BCAS3: variants seen among roughly 807,000 people sequenced by gnomAD.
BCAS3 encodes the protein BCAS3 microtubule associated cell migration factor, also known as BCAS4/BCAS3 fusion.
BCAS3 carries 53 observed loss-of-function variants against 116.1 expected under a neutral mutation model. The observed-to-expected ratio is 0.46, with a 90% CI of 0.37 to 0.57. The LOEUF is 0.57. Among genes scored for constraint, BCAS3 ranks in the 20% least tolerant of loss-of-function variants. BCAS3 has a pLI of 0.00. For missense variants in BCAS3, 917 were observed against 1,165.4 expected (o/e 0.79, Z 3.10); for synonymous variants, 391 against 408.2 (o/e 0.96, Z 0.51).
At chr17:61,030,652 C>T (rs1457193302) in intron 16 of BCAS3, among the ~76,000 whole-genome samples, 3 of 151,992 alleles carry the variant, frequency 2.0e-5, no homozygotes, top group African/African-American at 7.2e-5. Flanking sequence ...TTTAATTTAG[C>T]ATCTTATTTG....
Position 61,348,308 on chromosome 17 carries a change from T to A in BCAS3, c.2426-20019T>A, listed in dbSNP as rs1334310076. Among the ~76,000 whole-genome samples, 1 of 152,086 alleles carries A rather than the reference T, an allele frequency of 6.6e-6. No homozygotes were observed. The highest frequency in any genetic ancestry group is 2.4e-5 in the African/African-American group (1 of 41,428). On this transcript the variant is annotated intron_variant, in intron 22 of 23. Coordinates refer to ENST00000407086, the MANE Select transcript of BCAS3 (RefSeq NM_017679.5). This position sits in a 1 kb window ranked among gnomAD's most constrained non-coding sequence, Gnocchi z 4.5. Reference sequence around the variant, plus strand: ...CTGGAGAAGTTAGGTCATGAATTTGTTTGGGAGATGTTGAGTTGGAGGTGC... The same window carrying A: ...CTGGAGAAGTTAGGTCATGAATTTGATTGGGAGATGTTGAGTTGGAGGTGC...
At chr17:60,988,545 G>A (rs2063328563) in intron 14 of BCAS3, among the ~76,000 whole-genome samples, 1 of 151,632 alleles carries the variant, frequency 6.6e-6, no homozygotes, top group Admixed American at 6.6e-5. Flanking sequence ...TCTTTGCTGG[G>A]AGACTTATTA....
At position 61,087,141 on chromosome 17, in the gene BCAS3, C is replaced by T. The variant is rs1057114486; in HGVS notation, c.2425+2577C>T. 10 of 985,120 alleles carry T rather than the reference C, an allele frequency of 1.0e-5. No individual in the cohort carries two copies. Among genetic ancestry groups the T allele is most frequent in the East Asian group, 1.1e-4 (1 of 8,826 alleles). The allele number at this position is 985,120 out of a possible 1,614,324, so 61.0% of individuals were successfully genotyped here. A position where few individuals can be genotyped will look rare whatever the true frequency, so the allele number is the denominator to read the frequency against. On this transcript the variant is annotated intron_variant, in intron 22 of 23. Coordinates refer to ENST00000407086, the MANE Select transcript of BCAS3 (RefSeq NM_017679.5). The surrounding 1 kb of genome is among the most constrained non-coding windows in gnomAD (Gnocchi z 4.6). ...TAAATTTTTATAATTGCTCTTGAAC[C>T]GGGAAGTGCACCTCTGATTATGATC...
At position 61,131,775 on chromosome 17, in the gene BCAS3, G is replaced by A. The variant is rs1402815205; in HGVS notation, c.2425+47211G>A. Among the ~76,000 whole-genome samples the A allele has an allele frequency of 6.6e-6, 1 of 152,202 alleles. No individual in the cohort carries two copies. Among genetic ancestry groups the A allele is most frequent in the East Asian group, 1.9e-4 (1 of 5,192 alleles). On this transcript the variant is annotated intron_variant, in intron 22 of 23. Transcript: ENST00000407086. This position sits in a 1 kb window ranked among gnomAD's most constrained non-coding sequence, Gnocchi z 4.4. ...GCTGAGCAGAAACACTCATGAAGGA[G>A]CCCTGATTAAAAAGAGTGGTAATGA...
intron 22 of BCAS3, among the ~76,000 whole-genome samples, chr17:61,275,617 T>G (rs146806673): frequency 2.6e-3 from 394 of 152,272 alleles, no homozygotes; most frequent in African/African-American, 9.1e-3. Context: ...TTAGCCTTGA[T>G]AAAATGGTTG....
At chr17:61,334,140 C>A (rs985992808) in intron 22 of BCAS3, among the ~76,000 whole-genome samples, 2 of 152,180 alleles carry the variant, frequency 1.3e-5, no homozygotes, top group Non-Finnish European at 2.9e-5. Context: ...GATCATGATA[C>A]AGTAGAAGTA....
At chr17:61,089,587 T>C (rs1478434117) in intron 22 of BCAS3, among the ~76,000 whole-genome samples, 3 of 129,990 alleles carry the variant, frequency 2.3e-5, no homozygotes, top group Non-Finnish European at 4.7e-5. Context: ...TGGAGTGCAA[T>C]GGCACGATCT....
chr17:61,009,287 A>G (rs2064945115), intron 15 of BCAS3, among the ~76,000 whole-genome samples: 1 of 152,026 alleles, frequency 6.6e-6, no homozygotes, highest in Non-Finnish European at 1.5e-5. Context: ...CTCTAATACT[A>G]TACTTACCTC....
At position 61,088,303 on chromosome 17, in the gene BCAS3, A is replaced by G. The variant is rs2073250932; in HGVS notation, c.2425+3739A>G. 6.6e-6 allele frequency among the ~76,000 whole-genome samples: 1 copy of G among 152,250 alleles called. No homozygotes were observed. Among genetic ancestry groups the G allele is most frequent in the African/African-American group, 2.4e-5 (1 of 41,470 alleles). ...ATCATTTTGGAAATGGACACATTAT[A>G]GGATTTTAACCTAAGACACAGGCTA... On this transcript the variant is annotated intron_variant, in intron 22 of 23. Transcript: ENST00000407086. The surrounding 1 kb of genome is among the most constrained non-coding windows in gnomAD (Gnocchi z 4.2).
chr17:61,278,951 C>CTTTT lies in BCAS3; in HGVS notation c.2426-89363_2426-89360dup, dbSNP rs869116570. Among the ~76,000 whole-genome samples, 1 of 140,624 alleles carries CTTTT rather than the reference C, an allele frequency of 7.1e-6. No homozygotes were observed. The highest frequency in any genetic ancestry group is 7.2e-5 in the Admixed American group (1 of 13,974). The allele number at this position is 140,624 out of a possible 152,430, so 92.3% of individuals were successfully genotyped here. A position where few individuals can be genotyped will look rare whatever the true frequency, so the allele number is the denominator to read the frequency against. On this transcript the variant is annotated intron_variant, in intron 22 of 23. Coordinates refer to ENST00000407086, the MANE Select transcript of BCAS3 (RefSeq NM_017679.5). The surrounding 1 kb of genome is among the most constrained non-coding windows in gnomAD (Gnocchi z 5.8). ...ACACTAAAAGCCATTGAATTATGTACTTTTTTTTTTTTTTTTAAAGATGGA... is the reference window on the plus strand; with the variant it reads ...ACACTAAAAGCCATTGAATTATGTACTTTTTTTTTTTTTTTTTTTTAAAGATGGA...
At chr17:60,977,458 A>T (rs2062478015) in intron 14 of BCAS3, among the ~76,000 whole-genome samples, 1 of 151,958 alleles carries the variant, frequency 6.6e-6, no homozygotes. Context: ...GGTTACAGGC[A>T]TGAGCCATTG....
In BCAS3 at chr17:61,078,379, G is replaced by C; in HGVS notation, c.2177G>C (p.Gly726Ala). 6.2e-7 allele frequency: 1 copy of C among 1,614,040 alleles called. No homozygotes were observed. The highest frequency in any genetic ancestry group is 8.5e-7 in the Non-Finnish European group (1 of 1,179,956). ...GGACCCCATAGACGTCTGTGGATGG[G>C]TCCACAGTTCCAGTTCAAAACCATC... ...HTGPHRRLWMGPQFQFKTIHP... is the reference protein window; with the variant it reads ...HTGPHRRLWMAPQFQFKTIHP... Residue 726 changes from glycine to alanine, a missense_variant, in exon 21 of 24, where the codon GGT becomes GCT. By Grantham distance (60) the Gly-to-Ala change is moderately conservative. Coordinates refer to ENST00000407086, the MANE Select transcript of BCAS3 (RefSeq NM_017679.5).
In BCAS3 at chr17:60,973,899, A is replaced by AT. The variant is rs941675961; in HGVS notation, c.1222-16066dup. On this transcript the variant is annotated intron_variant, in intron 14 of 23. Transcript: ENST00000407086. ...GAGCCACCACACCCTGCCTAAAAAT[A>AT]TTTTTTCTGTAATTTCTAAGGTTTG... 3.3e-5 allele frequency among the ~76,000 whole-genome samples: 5 copies of AT among 151,822 alleles called. No homozygotes were observed. The East Asian group carries it at 7.7e-4, about 23-fold the overall frequency.
intron 22 of BCAS3, among the ~76,000 whole-genome samples, chr17:61,268,470 G>T (rs77420894): frequency 6.6e-6 from 1 of 151,974 alleles, no homozygotes; most frequent in Non-Finnish European, 1.5e-5. Context: ...ACAGTAATAC[G>T]TATGTATATT....
intron 14 of BCAS3, among the ~76,000 whole-genome samples, chr17:60,970,800 G>T (rs577099880): frequency 2.6e-5 from 4 of 152,096 alleles, no homozygotes; most frequent in Non-Finnish European, 5.9e-5. Context: ...AATCAGCATT[G>T]TTGATTTTAA....
At position 60,885,716 on chromosome 17, in the gene BCAS3, CT is replaced by C. The variant is rs1469286589; in HGVS notation, c.662-3978del. On this transcript the variant is annotated intron_variant, in intron 9 of 23. Transcript: ENST00000407086. ...CCTTCACTTATGAAGCTTAGTTTGGCTGGATATGAAATTCTGGGTTGAAAAT... is the reference window on the plus strand; with the variant it reads ...CCTTCACTTATGAAGCTTAGTTTGGCGGATATGAAATTCTGGGTTGAAAAT... 4.1e-4 allele frequency among the ~76,000 whole-genome samples: 60 copies of C among 146,706 alleles called. No homozygotes were observed. In the South Asian group the frequency reaches 0.013, roughly 32 times the overall value.
At chr17:61,359,771 G>A (rs1276160736) in intron 22 of BCAS3, among the ~76,000 whole-genome samples, 9 of 152,276 alleles carry the variant, frequency 5.9e-5, no homozygotes, top group Admixed American at 3.9e-4. Flanking sequence ...GATTAAAGGC[G>A]TGAGCCACTG....
chr17:61,040,752 A>C, intron 18 of BCAS3, 40 bp from the exon 19 acceptor site: 12 of 1,486,522 alleles, frequency 8.1e-6, no homozygotes, highest in Non-Finnish European at 1.1e-5. Flanking sequence ...CATCCCATCT[A>C]TTAAGCTTAA....
Position 60,727,645 on chromosome 17 carries a change from C to T in BCAS3, c.321+18320C>T, listed in dbSNP as rs2040023464. Among the ~76,000 whole-genome samples the T allele has an allele frequency of 2.0e-5, 3 of 152,056 alleles. No individual in the cohort carries two copies. The South Asian group carries it at 6.2e-4, about 31-fold the overall frequency. On this transcript the variant is annotated intron_variant, in intron 5 of 23. Transcript: ENST00000407086. ...ACTGAGTAGAAAGTATACGGAGGTC[C>T]CGTATACCTCCTGCCTCCACATCGT...
Sources: gnomAD v4.1 joint callset for allele counts (sites outside exome capture counted in the v4.1 genomes callset) on GRCh38, gnomAD v4.1.1 for gene constraint, Gnocchi (gnomAD v3.1) non-coding constraint, MANE v1.5 for transcripts, NCBI Gene and HGNC (gene_info 2026-07-23, HGNC 2026-07-21) for gene names.